The following BRD10 variants were observed in gnomAD, a reference collection of about 807,000 sequenced individuals.
The protein encoded by BRD10 is uncharacterized bromodomain-containing protein 10.
the BRD10 span, chr9:5,921,201 A>G: frequency 1.9e-5 from 30 of 1,613,812 alleles, no homozygotes; most frequent in Non-Finnish European, 2.5e-5. Flanking sequence ...ACATTTTGTA[A>G]TATGTTAATT....
the BRD10 span, chr9:6,008,294 G>T: frequency 3.0e-6 from 3 of 984,666 alleles, no homozygotes; most frequent in Non-Finnish European, 3.6e-6. Flanking sequence ...CGGGGGACAC[G>T]GGCAGAAGGA....
the BRD10 span, among the ~76,000 whole-genome samples, chr9:5,970,889 T>C: frequency 6.6e-6 from 1 of 151,242 alleles, no homozygotes; most frequent in African/African-American, 2.4e-5. Flanking sequence ...CCTTCTCTTT[T>C]AAAAACACAA....
At chr9:5,915,413 C>T in the BRD10 span, among the ~76,000 whole-genome samples, 2 of 152,154 alleles carry the variant, frequency 1.3e-5, no homozygotes, top group African/African-American at 2.4e-5. Context: ...AGGTAATTGT[C>T]CCCATCTTAA....
chr9:5,936,035 CTTAT>C, the BRD10 span, among the ~76,000 whole-genome samples: 1 of 152,114 alleles, frequency 6.6e-6, no homozygotes, highest in East Asian at 1.9e-4. Context: ...CCTGCTTTTA[CTTAT>C]TTTTTTCAAT....
the BRD10 span, among the ~76,000 whole-genome samples, chr9:5,902,536 C>T: frequency 1.2e-4 from 19 of 152,002 alleles, no homozygotes; most frequent in Middle Eastern, 3.4e-3. Flanking sequence ...ACAATCATAG[C>T]TCACTGTTAC....
At chr9:5,920,992 G>C in the BRD10 span, 3 of 1,613,790 alleles carry the variant, frequency 1.9e-6, no homozygotes, top group South Asian at 3.3e-5. Context: ...CAGAGGCTGA[G>C]GTCACTGGAA....
the BRD10 span, among the ~76,000 whole-genome samples, chr9:5,936,958 G>A: frequency 2.6e-5 from 4 of 152,136 alleles, no homozygotes; most frequent in Non-Finnish European, 4.4e-5. Flanking sequence ...GGCCAGGTGC[G>A]GTGGCAATCA....
chr9:5,930,369 T>TTTTATATATATA, the BRD10 span, among the ~76,000 whole-genome samples: 51 of 135,530 alleles, frequency 3.8e-4, no homozygotes, highest in African/African-American at 7.9e-4. Flanking sequence ...TATAAGGAGA[T>TTTTATATATATA]TATATATATA....
the BRD10 span, among the ~76,000 whole-genome samples, chr9:5,987,482 G>T: frequency 1.7e-4 from 26 of 151,828 alleles, no homozygotes; most frequent in Admixed American, 1.3e-4. Flanking sequence ...CCTATAGTAG[G>T]AGTAGTTCTG....
At chr9:5,968,820 C>T in the BRD10 span, 2 of 1,613,826 alleles carry the variant, frequency 1.2e-6, no homozygotes, top group Admixed American at 1.7e-5. Flanking sequence ...GGAAAATGTA[C>T]ATAAGCATTC....
At chr9:5,946,268 C>T in the BRD10 span, among the ~76,000 whole-genome samples, 1 of 151,940 alleles carries the variant, frequency 6.6e-6, no homozygotes, top group Non-Finnish European at 1.5e-5. Flanking sequence ...TATATAATTT[C>T]AAATTCATAG....
chr9:5,914,656 C>G, the BRD10 span, among the ~76,000 whole-genome samples: 4 of 151,888 alleles, frequency 2.6e-5, no homozygotes, highest in East Asian at 7.7e-4. Flanking sequence ...ATCTCCTGAC[C>G]TCGTGATCTG....
chr9:5,924,437 C>G, the BRD10 span, among the ~76,000 whole-genome samples: 1 of 152,052 alleles, frequency 6.6e-6, no homozygotes, highest in Non-Finnish European at 1.5e-5. Flanking sequence ...AACCACCATG[C>G]CTGGCTAATT....
At chr9:5,919,277 G>C in the BRD10 span, 1 of 153,588 alleles carries the variant, frequency 6.5e-6, no homozygotes, top group Non-Finnish European at 1.4e-5. Context: ...ACAAAAATAA[G>C]ATTTCACTAA....
the BRD10 span, among the ~76,000 whole-genome samples, chr9:5,926,183 T>C: frequency 6.6e-6 from 1 of 152,056 alleles, no homozygotes; most frequent in Non-Finnish European, 1.5e-5. Flanking sequence ...CCTAAAGTGC[T>C]GGGATTACAG....
chr9:5,894,657 C>T, the BRD10 span, among the ~76,000 whole-genome samples: 3 of 152,276 alleles, frequency 2.0e-5, no homozygotes, highest in Admixed American at 6.5e-5. The surrounding 1 kb of genome is among the most constrained non-coding windows in gnomAD (Gnocchi z 4.0). Flanking sequence ...TGCCGGAAAA[C>T]GAGCTGGTGC....
the BRD10 span, among the ~76,000 whole-genome samples, chr9:5,990,601 T>G: frequency 6.6e-6 from 1 of 152,206 alleles, no homozygotes; most frequent in East Asian, 1.9e-4. Flanking sequence ...GAGAAAGTAA[T>G]ATCCTTTATT....
the BRD10 span, among the ~76,000 whole-genome samples, chr9:5,961,272 G>C: frequency 6.6e-6 from 1 of 152,126 alleles, no homozygotes; most frequent in Non-Finnish European, 1.5e-5. Context: ...AGCATGAACA[G>C]CAAGGAAAAT....
the BRD10 span, among the ~76,000 whole-genome samples, chr9:5,940,111 A>G: frequency 7.0e-6 from 1 of 142,062 alleles, no homozygotes; most frequent in Admixed American, 7.1e-5. Flanking sequence ...TTTATCCATT[A>G]CTTGAAATTT....
Sources: gnomAD v4.1 joint callset for allele counts (sites outside exome capture counted in the v4.1 genomes callset) on GRCh38, gnomAD v4.1.1 for gene constraint, Gnocchi (gnomAD v3.1) non-coding constraint, MANE v1.5 for transcripts, NCBI Gene and HGNC (gene_info 2026-07-23, HGNC 2026-07-21) for gene names.